Variants in CREM observed in about 807,000 individuals in gnomAD.
CREM encodes the protein cAMP responsive element modulator, also known as cAMP-responsive element modulator.
Under a neutral mutation model 37.3 loss-of-function variants are expected in CREM, and 13 were observed. The ratio of observed to expected loss-of-function variants is 0.35; its 90% CI spans 0.23 to 0.55. The LOEUF is 0.55. Ranked by LOEUF, CREM falls within the 20% of genes least tolerant of loss-of-function variation. CREM has a pLI of 0.88. For synonymous variants in CREM, 124 were observed against 120.2 expected (o/e 1.03, Z -0.21); for missense variants, 296 against 362.3 (o/e 0.82, Z 1.49).
chr10:35,180,447 T>G (rs1263683598), intron 5 of CREM, among the ~76,000 whole-genome samples: 1 of 152,178 alleles, frequency 6.6e-6, no homozygotes, highest in Non-Finnish European at 1.5e-5. Context: ...TTTTTAGAGT[T>G]TTTCTTGTAG....
chr10:35,181,495 A>T (rs1443023370), intron 5 of CREM, among the ~76,000 whole-genome samples: 1 of 152,074 alleles, frequency 6.6e-6, no homozygotes, highest in Non-Finnish European at 1.5e-5. Flanking sequence ...GCTGGCCTTA[A>T]ACCTCACTCT....
At chr10:35,158,810 TTG>T (rs774886432) in intron 3 of CREM, among the ~76,000 whole-genome samples, 2 of 86,890 alleles carry the variant, frequency 2.3e-5, no homozygotes, top group South Asian at 3.6e-4. Flanking sequence ...TTTTTTTTTG[TTG>T]TTTTGTTTGT....
Position 35,212,313 on chromosome 10 carries a change from A to T in CREM, c.*915A>T, listed in dbSNP as rs2095674787. On this transcript the variant is annotated 3_prime_UTR_variant, in exon 8 of 8. Coordinates refer to ENST00000685392, the MANE Select transcript of CREM (RefSeq NM_183011.2). ...TATTAGTTGCTTTGTTAAAAAAAAA[A>T]AGATTGTATTGCTGTCCTTGAATGC... 6.6e-6 allele frequency: 1 copy of T among 152,362 alleles called. No homozygotes were observed. Among genetic ancestry groups the T allele is most frequent in the Non-Finnish European group, 1.5e-5 (1 of 68,050 alleles). The allele number at this position is 152,362 out of a possible 1,614,324, so 9.4% of individuals were successfully genotyped here.
intron 1 of CREM, among the ~76,000 whole-genome samples, chr10:35,127,946 A>G (rs1346843524): frequency 6.6e-6 from 1 of 152,050 alleles, no homozygotes. Flanking sequence ...CCTGGGTTCA[A>G]GCGATTCTCT....
At chr10:35,200,350 T>G (rs1341997365) in intron 6 of CREM, among the ~76,000 whole-genome samples, 3 of 152,258 alleles carry the variant, frequency 2.0e-5, no homozygotes, top group African/African-American at 7.2e-5. Flanking sequence ...CCCTTATGTA[T>G]AACTTACTTA....
intron 5 of CREM, among the ~76,000 whole-genome samples, chr10:35,180,349 C>A (rs888334064): frequency 3.3e-4 from 50 of 152,186 alleles, no homozygotes; most frequent in African/African-American, 1.2e-3. Flanking sequence ...AAAAAAAACT[C>A]AAGTCTTAAT....
intron 3 of CREM, chr10:35,175,610 C>A: frequency 2.0e-6 from 3 of 1,536,598 alleles, no homozygotes; most frequent in South Asian, 2.3e-5. Flanking sequence ...TCTTAGCCAC[C>A]GAAGTATGGG....
At chr10:35,146,717 C>T (rs898489566) in intron 2 of CREM, among the ~76,000 whole-genome samples, 5 of 152,158 alleles carry the variant, frequency 3.3e-5, no homozygotes, top group African/African-American at 1.2e-4. Context: ...TATAATTGCT[C>T]TAAATTGTCC....
At chr10:35,196,472 A>C (rs914498132) in intron 6 of CREM, 6 of 202,052 alleles carry the variant, frequency 3.0e-5, no homozygotes, top group African/African-American at 1.4e-4. Flanking sequence ...CAACTTCACT[A>C]CAATTTAGCT....
chr10:35,128,006 T>A (rs985166388), intron 1 of CREM, among the ~76,000 whole-genome samples: 3 of 151,936 alleles, frequency 2.0e-5, no homozygotes, highest in Non-Finnish European at 4.4e-5. Context: ...CCACCACGCC[T>A]GCTAATTTTT....
rs571184484 is a variant in CREM, at chr10:35,206,796, T to G, written c.599-99T>G. On this transcript the variant is annotated intron_variant, in intron 6 of 7. Transcript: ENST00000685392. The stretch of plus-strand genomic sequence containing the variant: ...TCTTAAACATTACAAGATCACCTCT[T>G]ATGAGATGTCAAAAGTATATCATTT... 2.0e-5 allele frequency: 22 copies of G among 1,103,134 alleles called. No homozygotes were observed. The African/African-American group carries it at 3.1e-4, about 16-fold the overall frequency. 68.3% of individuals were successfully genotyped at this position (1,103,134 alleles called of 1,614,324 possible). A position where few individuals can be genotyped will look rare whatever the true frequency, so the allele number is the denominator to read the frequency against.
At chr10:35,148,677 A>C in intron 3 of CREM, 186 bp downstream of exon 3, 1 of 607,356 alleles carries the variant, frequency 1.6e-6, no homozygotes, top group East Asian at 3.2e-5. Context: ...GACATTCAGC[A>C]GTGCCCCATC....
At chr10:35,191,842 A>T (rs2094930917) in intron 6 of CREM, among the ~76,000 whole-genome samples, 1 of 152,046 alleles carries the variant, frequency 6.6e-6, no homozygotes, top group Non-Finnish European at 1.5e-5. Context: ...GTTCACTGTG[A>T]CTATGTCCTG....
intron 5 of CREM, among the ~76,000 whole-genome samples, 193 bp from the exon 6 acceptor site, chr10:35,188,007 A>G (rs1341001009): frequency 6.6e-6 from 1 of 152,216 alleles, no homozygotes; most frequent in Non-Finnish European, 1.5e-5. Context: ...AATATTTTCA[A>G]GTGTTTATAA....
intron 5 of CREM, among the ~76,000 whole-genome samples, chr10:35,182,991 C>T (rs560550085): frequency 3.4e-4 from 51 of 152,202 alleles, no homozygotes; most frequent in African/African-American, 1.2e-3. Flanking sequence ...TAAAAGCAAC[C>T]GAGGAAATTA....
intron 3 of CREM, among the ~76,000 whole-genome samples, chr10:35,168,282 G>A (rs2093647556): frequency 6.6e-6 from 1 of 152,150 alleles, no homozygotes; most frequent in Non-Finnish European, 1.5e-5. Flanking sequence ...ACTTTTTAAT[G>A]ATCGCCATTC....
rs563976662 is a variant in CREM, at chr10:35,211,397, A to G, written c.899A>G (p.Ter300=). 2 of 1,612,966 alleles carry G rather than the reference A, an allele frequency of 1.2e-6. No individual in the cohort carries two copies. Among genetic ancestry groups the G allele is most frequent in the Admixed American group, 1.7e-5 (1 of 59,762 alleles). The part of the protein sequence containing the change: ...LKDLYCHKVE[*] The stretch of plus-strand genomic sequence containing the variant: ...GATCTTTATTGCCATAAAGTAGAGT[A>G]ACTGTCTTTGACTTGGACCTTGTTT... The change falls in exon 8 of 8, where the codon TAA becomes TGA. Residue 300 remains the stop codon, a stop_retained_variant. Coordinates refer to ENST00000685392, the MANE Select transcript of CREM (RefSeq NM_183011.2).
intron 3 of CREM, among the ~76,000 whole-genome samples, chr10:35,159,301 C>T (rs1017459901): frequency 1.1e-4 from 17 of 151,892 alleles, no homozygotes; most frequent in Admixed American, 1.1e-3. Flanking sequence ...AAGCTGAAGG[C>T]ATCACACTAC....
chr10:35,130,086 C>G (rs1353746114), intron 1 of CREM, among the ~76,000 whole-genome samples: 1 of 151,062 alleles, frequency 6.6e-6, no homozygotes. Flanking sequence ...ATTGTGGCTA[C>G]TTGGGAGGCT....
Sources: allele counts gnomAD v4.1 joint callset (sites outside exome capture counted in the v4.1 genomes callset), GRCh38; gene constraint gnomAD v4.1.1; transcripts MANE v1.5; gene names NCBI Gene and HGNC (gene_info 2026-07-23, HGNC 2026-07-21).